ZNF423: variants seen among roughly 807,000 people sequenced by gnomAD.
The protein encoded by ZNF423 is zinc finger protein 423.
A neutral mutation model predicts 95.8 loss-of-function variants in ZNF423; 12 were observed. The ratio of observed to expected loss-of-function variants is 0.13; its 90% CI spans 0.08 to 0.20. ZNF423 has a LOEUF of 0.20. ZNF423 is among the 10% of genes least tolerant of loss of function. The probability of loss-of-function intolerance (pLI) is 1.00; values close to 1 mark genes in which losing one functional copy is unlikely to be tolerated. For missense variants in ZNF423, 1,316 were observed against 1,737.1 expected, an observed-to-expected ratio of 0.76 and a Z score of 4.31; for synonymous variants, 749 against 711.9, an observed-to-expected ratio of 1.05 and a Z score of -0.83.
intron 5 of ZNF423, among the ~76,000 whole-genome samples, chr16:49,594,475 T>A (rs1971119791): frequency 6.6e-6 from 1 of 151,734 alleles, no homozygotes; most frequent in Non-Finnish European, 1.5e-5. Flanking sequence ...AACACAGGCA[T>A]ACAGAAGAGG....
chr16:49,639,659 T>C lies in ZNF423; in HGVS notation c.302-785A>G, dbSNP rs142872992. Among the ~76,000 whole-genome samples the C allele has an allele frequency of 1.8e-3, 281 of 152,092 alleles. 1 individual carries two copies. Among genetic ancestry groups the C allele is most frequent in the African/African-American group, 5.9e-3 (244 of 41,488 alleles). ...AGGATCAAGACAGATGGAGAGATGG[T>C]GACAGTGATTGGAGGATGAATGAGG... On this transcript the variant is annotated intron_variant, in intron 3 of 7. Transcript: ENST00000563137.
chr16:49,633,445 C>T (rs1240584299), intron 4 of ZNF423, among the ~76,000 whole-genome samples: 1 of 152,150 alleles, frequency 6.6e-6, no homozygotes, highest in Non-Finnish European at 1.5e-5. Context: ...GGTTAAAAAA[C>T]CAGAGAGGCC....
intron 7 of ZNF423, among the ~76,000 whole-genome samples, chr16:49,503,283 G>A (rs1006391144): frequency 2.0e-5 from 3 of 152,148 alleles, no homozygotes; most frequent in African/African-American, 4.8e-5. Flanking sequence ...AGAAAACAAC[G>A]TGAAGCACAG....
intron 3 of ZNF423, among the ~76,000 whole-genome samples, chr16:49,651,332 C>T (rs1043882331): frequency 3.3e-5 from 5 of 152,018 alleles, no homozygotes; most frequent in East Asian, 3.9e-4. Flanking sequence ...GGCCCACTTA[C>T]GGTTTTTCTT....
chr16:49,731,076 C>A lies in ZNF423; in HGVS notation c.101-105G>T, dbSNP rs115952384. The A allele has an allele frequency of 3.1e-4, 413 of 1,328,448 alleles. No individual in the cohort carries two copies. The African/African-American group carries it at 5.5e-3, about 18-fold the overall frequency. The allele number at this position is 1,328,448 out of a possible 1,614,324, so 82.3% of individuals were successfully genotyped here. A position where few individuals can be genotyped will look rare whatever the true frequency, so the allele number is the denominator to read the frequency against. On this transcript the variant is annotated intron_variant, in intron 2 of 7. Transcript: ENST00000563137. ...TAAGATACATTTAATTACTCTACCT[C>A]CCGGGGTCCATTATCCTTGACACCT...
In ZNF423 at chr16:49,853,647, C is replaced by G. The variant is rs1043131246; in HGVS notation, c.40+2088G>C. On this transcript the variant is annotated intron_variant, in intron 1 of 7. Coordinates refer to ENST00000563137, the MANE Select transcript of ZNF423 (RefSeq NM_001379286.1). ...CTGCTTGAACTGTCTGCTACACATA[C>G]ACACATACACATTTGAGAGAGGCAC... 3 of 985,240 alleles carry G rather than the reference C, an allele frequency of 3.0e-6. No individual in the cohort carries two copies. In the African/African-American group the frequency reaches 5.2e-5, roughly 17 times the overall value. 61.0% of individuals were successfully genotyped at this position (985,240 alleles called of 1,614,324 possible). A position where few individuals can be genotyped will look rare whatever the true frequency, so the allele number is the denominator to read the frequency against.
intron 5 of ZNF423, among the ~76,000 whole-genome samples, chr16:49,538,418 C>G (rs893930486): frequency 6.6e-6 from 1 of 152,200 alleles, no homozygotes; most frequent in Non-Finnish European, 1.5e-5. Flanking sequence ...AGACACCTGG[C>G]AATTCACCCT....
intron 2 of ZNF423, among the ~76,000 whole-genome samples, chr16:49,751,376 C>G (rs1378737607): frequency 6.6e-6 from 1 of 151,970 alleles, no homozygotes; most frequent in Non-Finnish European, 1.5e-5. Flanking sequence ...TAGTTTTTTT[C>G]AAAAATCTGT....
At chr16:49,608,594 G>A (rs1291562552) in intron 5 of ZNF423, among the ~76,000 whole-genome samples, 1 of 152,170 alleles carries the variant, frequency 6.6e-6, no homozygotes, top group Non-Finnish European at 1.5e-5. Flanking sequence ...CCCAAGGAGT[G>A]ACAAAGCGGT....
Position 49,546,442 on chromosome 16 carries a change from T to C in ZNF423, c.3602-20948A>G, listed in dbSNP as rs1597083422. Among the ~76,000 whole-genome samples the C allele has an allele frequency of 2.6e-5, 4 of 152,058 alleles. No individual in the cohort carries two copies. In the Middle Eastern group the frequency reaches 0.014, roughly 517 times the overall value. On this transcript the variant is annotated intron_variant, in intron 5 of 7. Transcript: ENST00000563137. Reference sequence around the variant, plus strand: ...AGACCTCATTTGTGAAAGGAGGAGGTAGGATTTGATAACTCACAAGGTCAC... The same window carrying C: ...AGACCTCATTTGTGAAAGGAGGAGGCAGGATTTGATAACTCACAAGGTCAC...
chr16:49,561,401 A>G (rs544355272), intron 5 of ZNF423, among the ~76,000 whole-genome samples: 1 of 152,360 alleles, frequency 6.6e-6, no homozygotes, highest in Admixed American at 6.5e-5. Context: ...ATATATACAC[A>G]TATATATTAC....
intron 1 of ZNF423, among the ~76,000 whole-genome samples, chr16:49,833,165 T>C (rs1440089416): frequency 1.3e-5 from 2 of 152,194 alleles, no homozygotes. Context: ...GGGAGGTTTA[T>C]CCGCTTTCAC....
intron 7 of ZNF423, among the ~76,000 whole-genome samples, chr16:49,515,593 A>G (rs144971970): frequency 1.3e-5 from 2 of 152,134 alleles, no homozygotes; most frequent in African/African-American, 2.4e-5. Context: ...GCTGTACACA[A>G]TCCATGCAAA....
At position 49,510,625 on chromosome 16, in the gene ZNF423, CTG is replaced by C. The variant is rs547723268; in HGVS notation, c.3849+12997_3849+12998del. Among the ~76,000 whole-genome samples, 263 of 152,320 alleles carry C rather than the reference CTG, an allele frequency of 1.7e-3. 2 individuals carry two copies. The highest frequency in any genetic ancestry group is 6.0e-3 in the African/African-American group (251 of 41,578). On this transcript the variant is annotated intron_variant, in intron 7 of 7. Coordinates refer to ENST00000563137, the MANE Select transcript of ZNF423 (RefSeq NM_001379286.1). ...GGTGGTCTGACAGGAGTGTCTGTGT[CTG>C]TGTCTATGTCTGGGGTCTTCCCCTC...
intron 3 of ZNF423, among the ~76,000 whole-genome samples, chr16:49,652,478 G>T (rs964273526): frequency 7.2e-5 from 11 of 151,994 alleles, no homozygotes; most frequent in Non-Finnish European, 1.3e-4. Flanking sequence ...CCCTACAAGG[G>T]ACTCCCCAGG....
intron 5 of ZNF423, among the ~76,000 whole-genome samples, chr16:49,590,036 A>ATG (rs1970960730): frequency 1.4e-5 from 2 of 138,502 alleles, no homozygotes; most frequent in Non-Finnish European, 3.2e-5. Flanking sequence ...GCGAATATAT[A>ATG]TATATATATA....
chr16:49,613,728 T>C (rs1971794246), intron 5 of ZNF423, among the ~76,000 whole-genome samples: 1 of 152,006 alleles, frequency 6.6e-6, no homozygotes. Context: ...AGCAATTCAA[T>C]AGAAGAATGA....
rs181311327 is a variant in ZNF423, at chr16:49,687,118, C to T, written c.301+43653G>A. On this transcript the variant is annotated intron_variant, in intron 3 of 7. Transcript: ENST00000563137. ...TTGGGTACCTGAGTTACTGTTCATA[C>T]ACCACCCCCGTGGTTTGTCCCCTAT... Among the ~76,000 whole-genome samples, 11 of 152,150 alleles carry T rather than the reference C, an allele frequency of 7.2e-5. No homozygotes were observed. The East Asian group carries it at 2.1e-3, about 29-fold the overall frequency.
intron 2 of ZNF423, among the ~76,000 whole-genome samples, chr16:49,771,779 C>G (rs1336801294): frequency 6.6e-6 from 1 of 152,212 alleles, no homozygotes; most frequent in Non-Finnish European, 1.5e-5. Flanking sequence ...CATTAAACCT[C>G]TTTTTCTTTA....
Sources: allele counts gnomAD v4.1 joint callset (sites outside exome capture counted in the v4.1 genomes callset), GRCh38; gene constraint gnomAD v4.1.1; transcripts MANE v1.5; gene names NCBI Gene and HGNC (gene_info 2026-07-23, HGNC 2026-07-21).